Variants in CNTNAP5 observed in about 807,000 individuals in gnomAD.
CNTNAP5 encodes the protein contactin associated protein family member 5.
CNTNAP5 carries 72 observed loss-of-function variants against 150.2 expected under a neutral mutation model. That is an observed-to-expected ratio of 0.48 (90% confidence interval 0.40 to 0.58). The LOEUF is 0.58. CNTNAP5 is among the 20% of genes least tolerant of loss of function. The pLI is 0.00. For synonymous variants in CNTNAP5, 672 were observed against 619.8 expected, an observed-to-expected ratio of 1.08 and a Z score of -1.25; for missense variants, 1,636 against 1,626.2, an observed-to-expected ratio of 1.01 and a Z score of -0.10.
At position 124,669,995 on chromosome 2, in the gene CNTNAP5, G is replaced by T. The variant is rs527618451; in HGVS notation, c.2077+22037G>T. 7.9e-5 allele frequency among the ~76,000 whole-genome samples: 12 copies of T among 152,240 alleles called. No homozygotes were observed. In the East Asian group the frequency reaches 2.1e-3, roughly 27 times the overall value. On this transcript the variant is annotated intron_variant, in intron 13 of 23. Coordinates refer to ENST00000682447, the MANE Select transcript of CNTNAP5 (RefSeq NM_001367498.1). Reference sequence around the variant, plus strand: ...GTTTCCTCCTGACTTCAGTGATCCAGTGTCCATCCCCATCCCCATTTCACT... The same window carrying T: ...GTTTCCTCCTGACTTCAGTGATCCATTGTCCATCCCCATCCCCATTTCACT...
At chr2:124,584,213 G>A (rs979700097) in intron 11 of CNTNAP5, among the ~76,000 whole-genome samples, 6 of 152,128 alleles carry the variant, frequency 3.9e-5, no homozygotes, top group South Asian at 2.1e-4. Context: ...CACATTGCTC[G>A]GGTTTTGCAA....
intron 1 of CNTNAP5, among the ~76,000 whole-genome samples, chr2:124,169,738 C>T (rs987953476): frequency 2.6e-5 from 4 of 152,104 alleles, no homozygotes; most frequent in South Asian, 2.1e-4. Context: ...AAAGTGAGGG[C>T]ATATTTAAGG....
At chr2:124,858,078 A>G (rs936066305) in intron 19 of CNTNAP5, among the ~76,000 whole-genome samples, 16 of 152,182 alleles carry the variant, frequency 1.1e-4, no homozygotes, top group Non-Finnish European at 1.3e-4. Context: ...GCTATTTATG[A>G]CAAACCCACA....
chr2:124,224,510 G>A (rs1026308053), intron 2 of CNTNAP5, among the ~76,000 whole-genome samples: 5 of 151,192 alleles, frequency 3.3e-5, no homozygotes, highest in African/African-American at 4.9e-5. Flanking sequence ...AGAGTAAAAT[G>A]TATATATATA....
intron 3 of CNTNAP5, among the ~76,000 whole-genome samples, chr2:124,409,823 C>T (rs920459695): frequency 2.0e-5 from 3 of 152,106 alleles, no homozygotes; most frequent in East Asian, 1.9e-4. Context: ...CATCAACTAA[C>T]GAGCAAACTC....
At chr2:124,087,938 G>T (rs1253208374) in intron 1 of CNTNAP5, among the ~76,000 whole-genome samples, 12 of 152,034 alleles carry the variant, frequency 7.9e-5, no homozygotes, top group Admixed American at 7.9e-4. Flanking sequence ...ATTCATTGGG[G>T]TCGATCCTAT....
chr2:124,374,006 T>C (rs1334140802), intron 3 of CNTNAP5, among the ~76,000 whole-genome samples: 1 of 152,052 alleles, frequency 6.6e-6, no homozygotes, highest in African/African-American at 2.4e-5. Context: ...TGTATATATG[T>C]GTGCATGTGT....
intron 13 of CNTNAP5, among the ~76,000 whole-genome samples, chr2:124,660,517 T>A (rs961443908): frequency 2.0e-5 from 3 of 152,168 alleles, no homozygotes; most frequent in African/African-American, 7.2e-5. Flanking sequence ...TGAAATTAAT[T>A]TTAATAATAT....
intron 3 of CNTNAP5, among the ~76,000 whole-genome samples, chr2:124,349,731 T>G (rs951235430): frequency 3.9e-5 from 6 of 152,158 alleles, no homozygotes; most frequent in African/African-American, 1.4e-4. Context: ...ATATTTTTAC[T>G]CTGAAATAGT....
chr2:124,217,904 T>C (rs765369300), intron 1 of CNTNAP5, among the ~76,000 whole-genome samples: 1 of 152,042 alleles, frequency 6.6e-6, no homozygotes, highest in Non-Finnish European at 1.5e-5. Context: ...AAAATAAAAC[T>C]TAGTATACCT....
chr2:124,261,201 A>G (rs1687444087), intron 3 of CNTNAP5, among the ~76,000 whole-genome samples: 1 of 152,172 alleles, frequency 6.6e-6, no homozygotes, highest in Non-Finnish European at 1.5e-5. Flanking sequence ...TCTTATTACT[A>G]AAGAGGTAGT....
intron 3 of CNTNAP5, among the ~76,000 whole-genome samples, chr2:124,297,809 A>ATTT (rs376323846): frequency 0.011 from 1,080 of 95,240 alleles, 11 homozygotes; most frequent in South Asian, 0.028. Flanking sequence ...ACATCCAATT[A>ATTT]TTTATTATTA....
chr2:124,375,710 G>A (rs933427195), intron 3 of CNTNAP5, among the ~76,000 whole-genome samples: 5 of 151,984 alleles, frequency 3.3e-5, no homozygotes, highest in South Asian at 2.1e-4. Flanking sequence ...TCACATTGGC[G>A]AAACTGACCG....
intron 19 of CNTNAP5, among the ~76,000 whole-genome samples, chr2:124,847,571 A>T (rs145405888): frequency 1.8e-4 from 27 of 152,292 alleles, no homozygotes; most frequent in African/African-American, 5.8e-4. Flanking sequence ...GCCGACTTAC[A>T]GGCTTTTGGT....
chr2:124,468,552 G>A (rs1693434817), intron 6 of CNTNAP5, among the ~76,000 whole-genome samples: 1 of 152,072 alleles, frequency 6.6e-6, no homozygotes, highest in Non-Finnish European at 1.5e-5. Flanking sequence ...TCCTGAGGGT[G>A]AGTCCTCTCC....
At chr2:124,793,207 A>AT (rs1420826609) in intron 18 of CNTNAP5, among the ~76,000 whole-genome samples, 1 of 152,068 alleles carries the variant, frequency 6.6e-6, no homozygotes, top group Admixed American at 6.6e-5. Context: ...TTATTGTCTG[A>AT]TTTTTTGATG....
chr2:124,531,255 G>A (rs1056095890), intron 10 of CNTNAP5, among the ~76,000 whole-genome samples: 2 of 152,100 alleles, frequency 1.3e-5, no homozygotes, highest in Non-Finnish European at 2.9e-5. Context: ...GATCTGATAA[G>A]AGGAGGAGCT....
intron 3 of CNTNAP5, among the ~76,000 whole-genome samples, chr2:124,285,092 G>T (rs141417673): frequency 6.6e-6 from 1 of 152,248 alleles, no homozygotes; most frequent in Non-Finnish European, 1.5e-5. Context: ...GTGTGAATAT[G>T]CATTCAATAG....
At chr2:124,086,447 C>T (rs193210438) in intron 1 of CNTNAP5, among the ~76,000 whole-genome samples, 1 of 151,570 alleles carries the variant, frequency 6.6e-6, no homozygotes, top group South Asian at 2.1e-4. Flanking sequence ...TCGTGATCTG[C>T]CTGCCTTGGC....
Sources: allele counts gnomAD v4.1 joint callset (sites outside exome capture counted in the v4.1 genomes callset), GRCh38; gene constraint gnomAD v4.1.1; transcripts MANE v1.5; gene names NCBI Gene and HGNC (gene_info 2026-07-23, HGNC 2026-07-21).